Variants in SLC7A2 observed in about 807,000 individuals in gnomAD.
SLC7A2 encodes solute carrier family 7 member 2, also known as cationic amino acid transporter 2.
SLC7A2 carries 48 observed loss-of-function variants against 58.9 expected under a neutral mutation model. That is an observed-to-expected ratio of 0.82 (90% confidence interval 0.65 to 1.04). The LOEUF is 1.04. SLC7A2 is among the 50% of genes least tolerant of loss of function. SLC7A2 has a pLI of 0.00. For synonymous variants in SLC7A2, 363 were observed against 314.5 expected, an observed-to-expected ratio of 1.15 and a Z score of -1.63; for missense variants, 1,029 against 818.8, an observed-to-expected ratio of 1.26 and a Z score of -3.13.
At chr8:17,550,058 G>A (rs528893705) in intron 5 of SLC7A2, among the ~76,000 whole-genome samples, 1 of 152,266 alleles carries the variant, frequency 6.6e-6, no homozygotes, top group East Asian at 1.9e-4. Context: ...GAGCAGGTCT[G>A]GGGCTTCTAC....
At chr8:17,506,589 G>A (rs1380898877) in intron 2 of SLC7A2, among the ~76,000 whole-genome samples, 1 of 152,202 alleles carries the variant, frequency 6.6e-6, no homozygotes, top group African/African-American at 2.4e-5. Context: ...TGACATTTTA[G>A]AACGCTCTTT....
chr8:17,513,394 T>A (rs1800682236), intron 2 of SLC7A2, among the ~76,000 whole-genome samples: 2 of 152,244 alleles, frequency 1.3e-5, no homozygotes, highest in African/African-American at 2.4e-5. Flanking sequence ...ATTATAAGTT[T>A]GCTCTAAACT....
chr8:17,496,589 C>T (rs1286693711), upstream of SLC7A2, among the ~76,000 whole-genome samples: 1 of 152,134 alleles, frequency 6.6e-6, no homozygotes, highest in Non-Finnish European at 1.5e-5. Context: ...CTGGAGTCTT[C>T]CAAAATAGCA....
At chr8:17,552,964 T>C (rs182002614) in intron 7 of SLC7A2, among the ~76,000 whole-genome samples, 3 of 152,316 alleles carry the variant, frequency 2.0e-5, no homozygotes, top group Middle Eastern at 3.4e-3. Context: ...TAGCTTTATT[T>C]TTTCCCTTCA....
rs368820367 is a variant in SLC7A2, at chr8:17,564,944, C to G, written c.1781-6C>G. 4.0e-5 allele frequency: 62 copies of G among 1,565,686 alleles called. No homozygotes were observed. In the African/African-American group the frequency reaches 7.5e-4, roughly 19 times the overall value. ...ACATTGATTTTTTTTTTTCCTGCCC[C>G]AACAGGCTTCCTGATTTACTTTTCT... On this transcript the variant is annotated splice_region_variant and splice_polypyrimidine_tract_variant and intron_variant, in intron 12 of 12. Coordinates refer to ENST00000494857, the MANE Select transcript of SLC7A2 (RefSeq NM_001370338.1).
At chr8:17,541,988 T>C (rs977137304) in intron 2 of SLC7A2, among the ~76,000 whole-genome samples, 5 of 148,864 alleles carry the variant, frequency 3.4e-5, no homozygotes, top group African/African-American at 1.2e-4. Context: ...CATTCCATTT[T>C]TAAAAGAACA....
intron 2 of SLC7A2, among the ~76,000 whole-genome samples, chr8:17,541,339 T>C (rs1801903513): frequency 6.6e-6 from 1 of 152,176 alleles, no homozygotes; most frequent in African/African-American, 2.4e-5. Context: ...AAACATTTGA[T>C]TTATGGAAGC....
intron 4 of SLC7A2, among the ~76,000 whole-genome samples, chr8:17,547,596 T>C (rs1442837264): frequency 1.3e-5 from 2 of 152,212 alleles, no homozygotes; most frequent in South Asian, 2.1e-4. Context: ...AATTGTTGTA[T>C]AGAAGTAAAT....
At chr8:17,501,794 C>T (rs1334799919) in intron 1 of SLC7A2, among the ~76,000 whole-genome samples, 2 of 151,956 alleles carry the variant, frequency 1.3e-5, no homozygotes, top group Non-Finnish European at 2.9e-5. Context: ...GTACTAGCCC[C>T]CCTCTACAGA....
intron 2 of SLC7A2, among the ~76,000 whole-genome samples, chr8:17,529,308 A>C (rs1277006002): frequency 6.6e-6 from 1 of 152,062 alleles, no homozygotes; most frequent in Non-Finnish European, 1.5e-5. Flanking sequence ...TGCTGCCCTT[A>C]GTTGACTTGT....
chr8:17,562,941 G>T (rs1803088991), intron 11 of SLC7A2, among the ~76,000 whole-genome samples: 1 of 152,084 alleles, frequency 6.6e-6, no homozygotes, highest in African/African-American at 2.4e-5. Context: ...AGGAGTTCAA[G>T]TGTAGCCTGG....
chr8:17,502,611 T>C (rs1800207463), intron 2 of SLC7A2, among the ~76,000 whole-genome samples: 1 of 152,226 alleles, frequency 6.6e-6, no homozygotes, highest in Admixed American at 6.5e-5. Context: ...TTCTTGTGAA[T>C]GTACCTTTTA....
At chr8:17,520,085 T>A (rs1800954769) in intron 2 of SLC7A2, among the ~76,000 whole-genome samples, 1 of 152,198 alleles carries the variant, frequency 6.6e-6, no homozygotes, top group Non-Finnish European at 1.5e-5. Flanking sequence ...TGCTGTTTGG[T>A]ACTGATTGTA....
chr8:17,537,487 C>T (rs965115423), intron 2 of SLC7A2, among the ~76,000 whole-genome samples: 3 of 152,172 alleles, frequency 2.0e-5, no homozygotes, highest in African/African-American at 7.2e-5. Flanking sequence ...TCAAGAACAT[C>T]TAATTGAGCA....
chr8:17,543,844 C>T lies in SLC7A2; in HGVS notation c.376+129C>T, dbSNP rs148123814. On this transcript the variant is annotated intron_variant, in intron 3 of 12. Coordinates refer to ENST00000494857, the MANE Select transcript of SLC7A2 (RefSeq NM_001370338.1). ...TCTGTGTGTCTCATTTTTGTCATCTCGAAAATGTCTCCTTCTAATTACAAA... is the reference window on the plus strand; with the variant it reads ...TCTGTGTGTCTCATTTTTGTCATCTTGAAAATGTCTCCTTCTAATTACAAA... 5.0e-3 allele frequency: 3,818 copies of T among 764,274 alleles called. 11 individuals are homozygous for T. The highest frequency in any genetic ancestry group is 7.4e-3 in the Middle Eastern group (30 of 4,050). 47.3% of individuals were successfully genotyped at this position (764,274 alleles called of 1,614,324 possible).
At chr8:17,514,566 G>C (rs530601881) in intron 2 of SLC7A2, among the ~76,000 whole-genome samples, 34 of 152,108 alleles carry the variant, frequency 2.2e-4, no homozygotes, top group African/African-American at 7.2e-4. Context: ...AATGTAAGTT[G>C]TTCAGGTTTC....
chr8:17,534,694 GAAAAAA>G (rs34390459), intron 2 of SLC7A2, among the ~76,000 whole-genome samples: 1 of 128,356 alleles, frequency 7.8e-6, no homozygotes, highest in African/African-American at 2.9e-5. Context: ...GTTTCAAATG[GAAAAAA>G]AAAAAAAAAA....
chr8:17,519,216 C>G (rs1780213029), intron 2 of SLC7A2, among the ~76,000 whole-genome samples: 1 of 152,176 alleles, frequency 6.6e-6, no homozygotes, highest in African/African-American at 2.4e-5. Flanking sequence ...AATAAAAGCA[C>G]TTACCTCATA....
At chr8:17,538,866 T>C (rs1801786625) in intron 2 of SLC7A2, 4 of 1,613,816 alleles carry the variant, frequency 2.5e-6, no homozygotes, top group Non-Finnish European at 3.4e-6. Flanking sequence ...ACAAACTAAT[T>C]TGTCGAGGGT....
Sources: gnomAD v4.1 joint callset for allele counts (sites outside exome capture counted in the v4.1 genomes callset) on GRCh38, gnomAD v4.1.1 for gene constraint, MANE v1.5 for transcripts, NCBI Gene and HGNC (gene_info 2026-07-23, HGNC 2026-07-21) for gene names.